MAL: variants seen among roughly 807,000 people sequenced by gnomAD.
MAL encodes the protein myelin and lymphocyte protein.
A neutral mutation model predicts 16.7 loss-of-function variants in MAL; 5 were observed. The ratio of observed to expected loss-of-function variants is 0.30; its 90% CI spans 0.16 to 0.63. The LOEUF is 0.63. MAL is among the 30% of genes least tolerant of loss of function. The pLI, the probability that MAL is intolerant of heterozygous loss-of-function variation, is 0.82. For synonymous variants in MAL, 96 were observed against 85.5 expected, an observed-to-expected ratio of 1.12 and a Z score of -0.67; for missense variants, 202 against 195.8, an observed-to-expected ratio of 1.03 and a Z score of -0.19.
intron 1 of MAL, among the ~76,000 whole-genome samples, chr2:95,045,206 C>T (rs1011441921): frequency 5.9e-5 from 9 of 152,192 alleles, no homozygotes; most frequent in Non-Finnish European, 1.2e-4. Flanking sequence ...GGAGGAAAAT[C>T]GTTTCCTCAC....
In MAL at chr2:95,048,136, G is replaced by A; in HGVS notation, c.261+10G>A. The A allele has an allele frequency of 6.2e-7, 1 of 1,605,174 alleles. No individual in the cohort carries two copies. The highest frequency in any genetic ancestry group is 8.5e-7 in the Non-Finnish European group (1 of 1,171,956). The stretch of plus-strand genomic sequence containing the variant: ...TTCCTGGGTCACCTTGGTGAGTCCA[G>A]CCCAGGGTGGCTGCTGGTTGTAGGG... On this transcript the variant is annotated intron_variant, in intron 2 of 3. Transcript: ENST00000309988.
chr2:95,027,460 T>C (rs1446173065), intron 1 of MAL, among the ~76,000 whole-genome samples: 3 of 152,130 alleles, frequency 2.0e-5, no homozygotes, highest in Admixed American at 6.5e-5. Flanking sequence ...CTCACCCCTG[T>C]TCCCCACCTC....
At chr2:95,051,634 A>G (rs750798243) in intron 3 of MAL, 1 of 152,136 alleles carries the variant, frequency 6.6e-6, no homozygotes, top group African/African-American at 2.4e-5. Context: ...CCCTTGTAGG[A>G]ATAGACCAAC....
chr2:95,051,057 G>A (rs555933883), intron 3 of MAL, among the ~76,000 whole-genome samples: 2 of 152,352 alleles, frequency 1.3e-5, no homozygotes, highest in East Asian at 1.9e-4. Context: ...GTTGCGAAAT[G>A]TAGATGGGAT....
chr2:95,053,432 T>C lies in MAL; in HGVS notation c.439T>C (p.Leu147=), dbSNP rs759549552. The part of the protein sequence containing the change: ...LLYVVHAVFS[L]IRWKSS ...CTACGTGGTCCATGCGGTGTTCTCTTTAATCAGATGGAAGTCTTCATAAAG... is the reference window on the plus strand; with the variant it reads ...CTACGTGGTCCATGCGGTGTTCTCTCTAATCAGATGGAAGTCTTCATAAAG... The change falls in exon 4 of 4, where the codon TTA becomes CTA. Residue 147 remains leucine (L), a synonymous_variant. Coordinates refer to ENST00000309988, the MANE Select transcript of MAL (RefSeq NM_002371.4). The C allele has an allele frequency of 1.2e-6, 2 of 1,613,664 alleles. No homozygotes were observed. The highest frequency in any genetic ancestry group is 8.5e-7 in the Non-Finnish European group (1 of 1,179,636).
intron 3 of MAL, among the ~76,000 whole-genome samples, chr2:95,052,595 C>G (rs1272678233): frequency 2.0e-5 from 3 of 152,178 alleles, no homozygotes; most frequent in Non-Finnish European, 4.4e-5. Flanking sequence ...GAGCTGGAAA[C>G]TCTTGACCCC....
chr2:95,035,442 G>A (rs1315688295), intron 1 of MAL, among the ~76,000 whole-genome samples: 1 of 152,076 alleles, frequency 6.6e-6, no homozygotes, highest in Non-Finnish European at 1.5e-5. Context: ...CTAGATTTGT[G>A]GATCTGAGAG....
chr2:95,026,217 C>A, intron 1 of MAL: 1 of 215,940 alleles, frequency 4.6e-6, no homozygotes. Context: ...TTGACGCGCG[C>A]AGCGCCACCG....
chr2:95,053,645 C>T lies in MAL; in HGVS notation c.*190C>T, dbSNP rs1382845235. ...CTGTGTTTACTCTCCCGTGTGCCTT[C>T]GCGTCCGGGTTGGGAGCTTGCTGTG... is the stretch of plus-strand genomic sequence containing the variant. On this transcript the variant is annotated 3_prime_UTR_variant, in exon 4 of 4. Transcript: ENST00000309988. 8 of 588,580 alleles carry T rather than the reference C, an allele frequency of 1.4e-5. No homozygotes were observed. The East Asian group carries it at 1.7e-4, about 12-fold the overall frequency. The allele number at this position is 588,580 out of a possible 1,614,324, so 36.5% of individuals were successfully genotyped here. A position where few individuals can be genotyped will look rare whatever the true frequency, so the allele number is the denominator to read the frequency against.
intron 1 of MAL, among the ~76,000 whole-genome samples, chr2:95,046,588 T>C (rs1018142394): frequency 2.6e-5 from 4 of 152,150 alleles, no homozygotes; most frequent in Non-Finnish European, 4.4e-5. Flanking sequence ...TGAGGGGTGC[T>C]ACTGGCCCCC....
chr2:95,032,920 C>G (rs1674121195), intron 1 of MAL, among the ~76,000 whole-genome samples: 1 of 152,198 alleles, frequency 6.6e-6, no homozygotes, highest in Non-Finnish European at 1.5e-5. Flanking sequence ...GTACCCGGGC[C>G]CTGGGTCCTG....
chr2:95,027,548 C>T (rs766033378), intron 1 of MAL, among the ~76,000 whole-genome samples: 2 of 152,220 alleles, frequency 1.3e-5, no homozygotes, highest in African/African-American at 2.4e-5. Flanking sequence ...TAGGGGTGGG[C>T]TCGCAGGTGC....
chr2:95,026,043 C>T (rs761374875), intron 1 of MAL, among the ~76,000 whole-genome samples, 158 bp downstream of exon 1: 1 of 152,196 alleles, frequency 6.6e-6, no homozygotes, highest in Non-Finnish European at 1.5e-5. Flanking sequence ...GAAGTCCCCT[C>T]CCACCTCCGG....
rs1439879692 is a variant in MAL at position 95,025,749 on chromosome 2, G to A, written c.-44G>A. On this transcript the variant is annotated 5_prime_UTR_variant, in exon 1 of 4. Coordinates refer to ENST00000309988, the MANE Select transcript of MAL (RefSeq NM_002371.4). This position sits in a 1 kb window ranked among gnomAD's most constrained non-coding sequence, Gnocchi z 5.6. ...CCAGCGAGAGGTCTGCGCGGAGTCT[G>A]AGCGGCGCTCGTCCCGTCCCAAGGC... 2 of 1,389,866 alleles carry A rather than the reference G, an allele frequency of 1.4e-6. No individual in the cohort carries two copies. Among genetic ancestry groups the A allele is most frequent in the Non-Finnish European group, 1.9e-6 (2 of 1,033,676 alleles). 86.1% of individuals were successfully genotyped at this position (1,389,866 alleles called of 1,614,324 possible). A position where few individuals can be genotyped will look rare whatever the true frequency, so the allele number is the denominator to read the frequency against.
intron 1 of MAL, among the ~76,000 whole-genome samples, chr2:95,040,699 C>T (rs759897741): frequency 1.3e-5 from 2 of 152,204 alleles, no homozygotes; most frequent in African/African-American, 2.4e-5. Context: ...GAGCTTCCCG[C>T]AGTCCTCCCA....
In MAL at chr2:95,040,122, TAC is replaced by T. The variant is rs140877183; in HGVS notation, c.94-7818_94-7817del. Among the ~76,000 whole-genome samples the T allele has an allele frequency of 2.4e-3, 365 of 149,670 alleles. 2 individuals carry two copies. The highest frequency in any genetic ancestry group is 8.0e-3 in the African/African-American group (326 of 40,972). The stretch of plus-strand genomic sequence containing the variant: ...CATCCTTAACCCAGCTCTACCTACC[TAC>T]ACACACACACACACACACGTGCATT... On this transcript the variant is annotated intron_variant, in intron 1 of 3. Transcript: ENST00000309988.
chr2:95,053,481 AC>A lies in MAL; in HGVS notation c.*29del. On this transcript the variant is annotated 3_prime_UTR_variant, in exon 4 of 4. Transcript: ENST00000309988. The stretch of plus-strand genomic sequence containing the variant: ...AGCCGCAGTAGAACTTGAGCTGAAA[AC>A]CCAGATGGTGTTAACTGGCCGCCCC... 1 of 1,576,468 alleles carries A rather than the reference AC, an allele frequency of 6.3e-7. No individual in the cohort carries two copies.
At chr2:95,045,382 C>A (rs1258001842) in intron 1 of MAL, among the ~76,000 whole-genome samples, 1 of 152,214 alleles carries the variant, frequency 6.6e-6, no homozygotes, top group African/African-American at 2.4e-5. Context: ...CAGCCACACC[C>A]AGGTACCAGG....
intron 1 of MAL, among the ~76,000 whole-genome samples, chr2:95,026,106 T>C (rs1323096108): frequency 6.6e-6 from 1 of 151,938 alleles, no homozygotes; most frequent in African/African-American, 2.4e-5. Context: ...TACAGGACTA[T>C]GGAGGAAAAA....
Sources: gnomAD v4.1 joint callset for allele counts (sites outside exome capture counted in the v4.1 genomes callset) on GRCh38, gnomAD v4.1.1 for gene constraint, Gnocchi (gnomAD v3.1) non-coding constraint, MANE v1.5 for transcripts, NCBI Gene and HGNC (gene_info 2026-07-23, HGNC 2026-07-21) for gene names.